The following SNX24 variants were observed in gnomAD, a reference collection of about 807,000 sequenced individuals.
SNX24 encodes the protein sorting nexin-24.
Under a neutral mutation model 28.7 loss-of-function variants are expected in SNX24, and 22 were observed. The ratio of observed to expected loss-of-function variants is 0.77; its 90% CI spans 0.55 to 1.10. The LOEUF is 1.10. SNX24 is among the 50% of genes least tolerant of loss of function. The probability of loss-of-function intolerance (pLI) is 0.00; values close to 1 mark genes in which losing one functional copy is unlikely to be tolerated. For synonymous variants in SNX24, 69 were observed against 71.5 expected (o/e 0.96, Z 0.18); for missense variants, 221 against 201.1 (o/e 1.10, Z -0.60).
chr5:122,883,812 C>T (rs182120093), intron 1 of SNX24, among the ~76,000 whole-genome samples: 167 of 152,014 alleles, frequency 1.1e-3, no homozygotes, highest in Non-Finnish European at 1.5e-3. Flanking sequence ...CGCCACCACA[C>T]CTGGCTAATT....
At chr5:122,994,377 T>A (rs1265512960) in intron 3 of SNX24, among the ~76,000 whole-genome samples, 1 of 152,242 alleles carries the variant, frequency 6.6e-6, no homozygotes, top group Non-Finnish European at 1.5e-5. Context: ...TGTGATATTT[T>A]ACCAGTGTTT....
chr5:122,915,675 C>G (rs1758129435), intron 1 of SNX24, among the ~76,000 whole-genome samples: 1 of 152,060 alleles, frequency 6.6e-6, no homozygotes, highest in African/African-American at 2.4e-5. Context: ...CATATCAGCT[C>G]CCACTTAAAA....
intron 1 of SNX24, among the ~76,000 whole-genome samples, chr5:122,850,729 C>G (rs1161394823): frequency 1.3e-5 from 2 of 148,584 alleles, no homozygotes; most frequent in East Asian, 4.0e-4. Context: ...ATTTTGGAGT[C>G]TAGGGTGGAT....
chr5:123,023,522 A>C (rs953991548), intron 5 of SNX24: 1 of 159,498 alleles, frequency 6.3e-6, no homozygotes, highest in Non-Finnish European at 1.4e-5. Context: ...TAATATCCTC[A>C]TCTGTTTCAG....
chr5:122,989,913 C>T (rs775949969), intron 3 of SNX24, among the ~76,000 whole-genome samples: 7 of 152,174 alleles, frequency 4.6e-5, no homozygotes, highest in Non-Finnish European at 8.8e-5. Context: ...GTAGTCCTTA[C>T]CAGCCATGTG....
chr5:122,955,125 T>A (rs1399122117), intron 3 of SNX24, among the ~76,000 whole-genome samples: 2 of 152,136 alleles, frequency 1.3e-5, no homozygotes, highest in Non-Finnish European at 2.9e-5. Flanking sequence ...CCCAGTTTCC[T>A]GATTCTTTCC....
At chr5:122,852,881 TCA>T (rs1754986481) in intron 1 of SNX24, among the ~76,000 whole-genome samples, 1 of 152,050 alleles carries the variant, frequency 6.6e-6, no homozygotes, top group Admixed American at 6.6e-5. Context: ...TCCATTCCTG[TCA>T]CCAAACCCCT....
chr5:122,877,439 A>T (rs892973497), intron 1 of SNX24, among the ~76,000 whole-genome samples: 3 of 152,260 alleles, frequency 2.0e-5, no homozygotes, highest in African/African-American at 7.2e-5. Context: ...GCTGTGGTCC[A>T]GGATGAAGGT....
chr5:122,915,907 C>A (rs76072642), intron 1 of SNX24, among the ~76,000 whole-genome samples: 3,999 of 152,336 alleles, frequency 0.026, 89 homozygotes, highest in Non-Finnish European at 0.037. Flanking sequence ...CAACTCCCCC[C>A]AGGCTTCAGG....
At chr5:122,886,597 G>A (rs1756726764) in intron 1 of SNX24, among the ~76,000 whole-genome samples, 1 of 152,080 alleles carries the variant, frequency 6.6e-6, no homozygotes, top group East Asian at 1.9e-4. Context: ...AGGGAATCAC[G>A]AGGTCAGGAG....
At chr5:122,904,479 G>A (rs1361944059) in intron 1 of SNX24, among the ~76,000 whole-genome samples, 1 of 151,854 alleles carries the variant, frequency 6.6e-6, no homozygotes, top group Non-Finnish European at 1.5e-5. Context: ...CACCACTCCC[G>A]GCCTTTTTAT....
chr5:123,027,440 C>T (rs1467624518), intron 5 of SNX24, among the ~76,000 whole-genome samples: 2 of 152,154 alleles, frequency 1.3e-5, no homozygotes, highest in African/African-American at 2.4e-5. Context: ...AGTCACCATT[C>T]CTGCCAGCAC....
chr5:122,892,884 G>A (rs1757034166), intron 1 of SNX24, among the ~76,000 whole-genome samples: 1 of 151,854 alleles, frequency 6.6e-6, no homozygotes, highest in Non-Finnish European at 1.5e-5. Context: ...TTGTGCCTCA[G>A]TCTCCCTAGT....
At chr5:122,934,510 C>G (rs1759101221) in intron 1 of SNX24, among the ~76,000 whole-genome samples, 2 of 152,100 alleles carry the variant, frequency 1.3e-5, no homozygotes, top group African/African-American at 4.8e-5. Context: ...CAGGCACACA[C>G]CACTATGCCC....
chr5:122,968,914 A>G (rs562583454), intron 3 of SNX24, among the ~76,000 whole-genome samples: 2 of 152,206 alleles, frequency 1.3e-5, no homozygotes, highest in African/African-American at 2.4e-5. Flanking sequence ...TAGTATCTTG[A>G]TATCAGGTAT....
chr5:122,922,267 T>G (rs1758464740), intron 1 of SNX24, among the ~76,000 whole-genome samples: 1 of 152,214 alleles, frequency 6.6e-6, no homozygotes, highest in Admixed American at 6.5e-5. Context: ...TTGTTTGTTT[T>G]TTTGAGACAG....
intron 1 of SNX24, among the ~76,000 whole-genome samples, chr5:122,899,758 G>T (rs1282186778): frequency 1.3e-5 from 2 of 152,122 alleles, no homozygotes; most frequent in African/African-American, 4.8e-5. Flanking sequence ...TTGACTCTTT[G>T]CTAGATGCTT....
At chr5:122,988,065 C>T (rs952007938) in intron 3 of SNX24, among the ~76,000 whole-genome samples, 1 of 152,152 alleles carries the variant, frequency 6.6e-6, no homozygotes, top group Non-Finnish European at 1.5e-5. Flanking sequence ...TTCCCTGCCC[C>T]CCTTTCCAGG....
intron 6 of SNX24, among the ~76,000 whole-genome samples, chr5:123,002,668 C>A (rs972085323): frequency 6.6e-6 from 1 of 152,238 alleles, no homozygotes; most frequent in Non-Finnish European, 1.5e-5. Context: ...TGTGTATATA[C>A]ATTGCAGCAT....
Sources: gnomAD v4.1 joint callset for allele counts (sites outside exome capture counted in the v4.1 genomes callset) on GRCh38, gnomAD v4.1.1 for gene constraint, MANE v1.5 for transcripts, NCBI Gene and HGNC (gene_info 2026-07-23, HGNC 2026-07-21) for gene names.